CTNNA2: variants seen among roughly 807,000 people sequenced by gnomAD.
The protein encoded by CTNNA2 is catenin alpha 2, also known as catenin alpha-2.
A neutral mutation model predicts 101.0 loss-of-function variants in CTNNA2; 42 were observed. That is an observed-to-expected ratio of 0.42 (90% CI 0.32 to 0.54). The LOEUF is 0.54. Among genes scored for constraint, CTNNA2 ranks in the 20% least tolerant of loss-of-function variants. The pLI, the probability that CTNNA2 is intolerant of heterozygous loss-of-function variation, is 0.14. For missense variants in CTNNA2, 871 were observed against 1,223.1 expected (o/e 0.71, Z 4.29); for synonymous variants, 450 against 456.4 (o/e 0.99, Z 0.18).
chr2:80,479,440 A>G (rs1208563938), intron 9 of CTNNA2, among the ~76,000 whole-genome samples: 2 of 152,198 alleles, frequency 1.3e-5, no homozygotes, highest in African/African-American at 4.8e-5. Flanking sequence ...CTAAAATGTC[A>G]ATAATTCCAA....
intron 2 of CTNNA2, among the ~76,000 whole-genome samples, chr2:79,709,472 A>G (rs1158356191): frequency 6.6e-6 from 1 of 152,134 alleles, no homozygotes; most frequent in Non-Finnish European, 1.5e-5. Context: ...TGGGGATGAG[A>G]GGCATGTCGG....
chr2:79,725,853 C>T (rs1205368286), intron 2 of CTNNA2, among the ~76,000 whole-genome samples: 8 of 152,224 alleles, frequency 5.3e-5, no homozygotes, highest in East Asian at 1.9e-4. Context: ...TTCTATGAGT[C>T]CAGGAGGAAG....
At chr2:79,250,449 C>G (rs1286417881) in intron 2 of CTNNA2, among the ~76,000 whole-genome samples, 1 of 152,114 alleles carries the variant, frequency 6.6e-6, no homozygotes, top group East Asian at 1.9e-4. Context: ...GTTGTATCAG[C>G]TGAGGTGCCA....
chr2:80,184,288 G>A (rs1347659952), intron 7 of CTNNA2, among the ~76,000 whole-genome samples: 1 of 151,990 alleles, frequency 6.6e-6, no homozygotes, highest in Non-Finnish European at 1.5e-5. Context: ...ACAGACAGAT[G>A]CATATTTATT....
At chr2:79,230,413 C>T (rs1338713613) in intron 2 of CTNNA2, among the ~76,000 whole-genome samples, 11 of 152,306 alleles carry the variant, frequency 7.2e-5, no homozygotes, top group Admixed American at 5.9e-4. Context: ...GCAGCTTACA[C>T]GTGGCATTGA....
intron 1 of CTNNA2, among the ~76,000 whole-genome samples, chr2:79,589,737 T>A (rs1676727187): frequency 6.8e-6 from 1 of 147,826 alleles, no homozygotes. Flanking sequence ...GAGACACGAA[T>A]TTACTCCTAA....
At chr2:79,831,143 T>A (rs1271653690) in intron 3 of CTNNA2, among the ~76,000 whole-genome samples, 1 of 152,130 alleles carries the variant, frequency 6.6e-6, no homozygotes, top group Non-Finnish European at 1.5e-5. Flanking sequence ...TCATTTTATT[T>A]TAGAAAAAAA....
upstream of CTNNA2, among the ~76,000 whole-genome samples, chr2:79,508,042 A>G (rs1671451896): frequency 6.6e-6 from 1 of 152,182 alleles, no homozygotes; most frequent in Non-Finnish European, 1.5e-5. Flanking sequence ...ACATCTTTTC[A>G]GGAATTTCTC....
chr2:80,101,341 C>T (rs889592790), intron 7 of CTNNA2, among the ~76,000 whole-genome samples: 2 of 152,182 alleles, frequency 1.3e-5, no homozygotes, highest in Non-Finnish European at 2.9e-5. Context: ...AAATTGATAA[C>T]ATTGAAACAG....
chr2:80,500,092 C>G (rs1424341849), intron 9 of CTNNA2, among the ~76,000 whole-genome samples: 1 of 152,010 alleles, frequency 6.6e-6, no homozygotes, highest in African/African-American at 2.4e-5. Context: ...TAAACCTTTT[C>G]CAAAATAGAA....
At chr2:79,624,402 A>C (rs1447785190) in intron 1 of CTNNA2, among the ~76,000 whole-genome samples, 1 of 152,176 alleles carries the variant, frequency 6.6e-6, no homozygotes, top group East Asian at 1.9e-4. Context: ...ATTCACCCAC[A>C]ATAAGCATGT....
At chr2:79,477,155 T>A (rs1426836625) in intron 4 of CTNNA2, among the ~76,000 whole-genome samples, 3 of 112,310 alleles carry the variant, frequency 2.7e-5, no homozygotes, top group East Asian at 4.4e-4. Context: ...TATTTCTTTT[T>A]TTTCTTTTTT....
At chr2:79,195,307 T>A (rs1015238929) in intron 1 of CTNNA2, among the ~76,000 whole-genome samples, 9 of 152,146 alleles carry the variant, frequency 5.9e-5, no homozygotes, top group African/African-American at 2.2e-4. Flanking sequence ...TTCAGAATAT[T>A]TCATCAGGAA....
intron 2 of CTNNA2, among the ~76,000 whole-genome samples, chr2:79,741,014 G>A (rs1189446241): frequency 6.6e-6 from 1 of 152,118 alleles, no homozygotes; most frequent in Non-Finnish European, 1.5e-5. Flanking sequence ...GGGAGAAAAG[G>A]AAAATGTGCA....
intron 4 of CTNNA2, among the ~76,000 whole-genome samples, chr2:79,460,735 C>A (rs1323584827): frequency 6.6e-6 from 1 of 152,148 alleles, no homozygotes; most frequent in African/African-American, 2.4e-5. Context: ...ATGATCACCC[C>A]CTTAGACTTA....
intron 1 of CTNNA2, among the ~76,000 whole-genome samples, chr2:79,551,066 A>G (rs1198410480): frequency 2.6e-5 from 4 of 152,228 alleles, no homozygotes. Context: ...GCTTGTTCTT[A>G]TAGCTGTGTC....
At chr2:79,860,544 AAG>A (rs1681518109) in intron 4 of CTNNA2, among the ~76,000 whole-genome samples, 2 of 19,362 alleles carry the variant, frequency 1.0e-4, no homozygotes, top group African/African-American at 4.3e-4. Context: ...CGAGTAAGGG[AAG>A]TTTTTTTTTT....
chr2:79,469,619 A>G (rs924060288), intron 4 of CTNNA2, among the ~76,000 whole-genome samples: 4 of 152,212 alleles, frequency 2.6e-5, no homozygotes, highest in Non-Finnish European at 5.9e-5. Context: ...ACATCGATGC[A>G]AAAATCCTCA....
chr2:80,433,794 A>G (rs1681768470), intron 9 of CTNNA2, among the ~76,000 whole-genome samples: 1 of 152,222 alleles, frequency 6.6e-6, no homozygotes, highest in Non-Finnish European at 1.5e-5. Context: ...GTTATTCTAT[A>G]TGCTTGTAGA....
Sources: allele counts gnomAD v4.1 joint callset (sites outside exome capture counted in the v4.1 genomes callset), GRCh38; gene constraint gnomAD v4.1.1; transcripts MANE v1.5; gene names NCBI Gene and HGNC (gene_info 2026-07-23, HGNC 2026-07-21).